Variants in RTN4 observed in about 807,000 individuals in gnomAD.
RTN4 encodes reticulon-4.
A neutral mutation model predicts 90.4 loss-of-function variants in RTN4; 32 were observed. The ratio of observed to expected loss-of-function variants is 0.35; its 90% CI spans 0.27 to 0.48. RTN4 has a LOEUF of 0.48. Ranked by LOEUF, RTN4 falls within the 20% of genes least tolerant of loss-of-function variation. The pLI is 0.99. For synonymous variants in RTN4, 629 were observed against 552.5 expected, an observed-to-expected ratio of 1.14 and a Z score of -1.94; for missense variants, 1,706 against 1,430.2, an observed-to-expected ratio of 1.19 and a Z score of -3.11.
At chr2:55,044,097 G>C (rs1683253637) in intron 1 of RTN4, among the ~76,000 whole-genome samples, 1 of 151,864 alleles carries the variant, frequency 6.6e-6, no homozygotes, top group Middle Eastern at 3.4e-3. Flanking sequence ...TTGGGAGGCT[G>C]AGGTGGCAGG....
At chr2:55,094,920 T>C (rs1204201947) in intron 1 of RTN4, among the ~76,000 whole-genome samples, 1 of 152,214 alleles carries the variant, frequency 6.6e-6, no homozygotes, top group Non-Finnish European at 1.5e-5. Flanking sequence ...AGATTTTGAA[T>C]ACCAATGAAA....
intron 1 of RTN4, among the ~76,000 whole-genome samples, chr2:55,086,448 C>A (rs544697951): frequency 6.6e-6 from 1 of 151,760 alleles, no homozygotes. Flanking sequence ...ATTGTTTGTG[C>A]CCAGGAATTC....
intron 2 of RTN4, among the ~76,000 whole-genome samples, chr2:55,027,691 A>G (rs559856505): frequency 6.6e-6 from 1 of 152,342 alleles, no homozygotes; most frequent in Non-Finnish European, 1.5e-5. Context: ...ATGCATGGCT[A>G]CAGAGGCAAT....
chr2:55,134,275 A>C, the RTN4 span, among the ~76,000 whole-genome samples: 1 of 152,066 alleles, frequency 6.6e-6, no homozygotes, highest in Non-Finnish European at 1.5e-5. Flanking sequence ...TGGGGTCTTT[A>C]TGATTTGTAT....
chr2:55,021,391 GC>G (rs150666573), intron 3 of RTN4, among the ~76,000 whole-genome samples: 1,907 of 143,388 alleles, frequency 0.013, 17 homozygotes, highest in Middle Eastern at 0.038. Flanking sequence ...CTTTTTCCCT[GC>G]CCCCCCCGCC....
chr2:54,977,512 G>A (rs1677736253), intron 5 of RTN4, among the ~76,000 whole-genome samples: 1 of 150,764 alleles, frequency 6.6e-6, no homozygotes, highest in Admixed American at 6.6e-5. Context: ...GAAAATACCT[G>A]GTCTTAGTCC....
intron 3 of RTN4, among the ~76,000 whole-genome samples, chr2:55,005,169 T>C (rs1260026215): frequency 2.0e-5 from 3 of 152,176 alleles, no homozygotes; most frequent in African/African-American, 7.2e-5. Flanking sequence ...AGAAACTTCA[T>C]TTGAAAAGTA....
At chr2:55,101,466 T>C (rs1667851868) in intron 1 of RTN4, among the ~76,000 whole-genome samples, 5 of 152,150 alleles carry the variant, frequency 3.3e-5, no homozygotes, top group Admixed American at 1.3e-4. Flanking sequence ...ATACAATAAC[T>C]GAAGTATTGA....
At chr2:55,105,905 A>G (rs2105061756) in intron 1 of RTN4, among the ~76,000 whole-genome samples, 1 of 152,244 alleles carries the variant, frequency 6.6e-6, no homozygotes, top group Admixed American at 6.5e-5. Flanking sequence ...GCTTGCACCC[A>G]GGAGTTCGAG....
At chr2:55,022,459 A>C (rs1681511949) in intron 3 of RTN4, among the ~76,000 whole-genome samples, 1 of 152,110 alleles carries the variant, frequency 6.6e-6, no homozygotes, top group Non-Finnish European at 1.5e-5. Context: ...TCCCTGTGGA[A>C]CTTGCTAAAT....
chr2:55,127,572 G>A, the RTN4 span, among the ~76,000 whole-genome samples: 113 of 152,270 alleles, frequency 7.4e-4, no homozygotes, highest in East Asian at 1.3e-3. Flanking sequence ...ACATACAACC[G>A]ACTTTCCCAT....
chr2:55,124,344 A>G, the RTN4 span, among the ~76,000 whole-genome samples: 858 of 152,374 alleles, frequency 5.6e-3, 6 homozygotes, highest in African/African-American at 0.02. Flanking sequence ...GGGACACTTA[A>G]CCAAGGAGGC....
intron 2 of RTN4, among the ~76,000 whole-genome samples, chr2:55,058,832 AT>A (rs779527925): frequency 3.3e-5 from 5 of 151,850 alleles, no homozygotes; most frequent in Admixed American, 6.6e-5. Flanking sequence ...CAAAAATGCA[AT>A]TCTGGTTTAA....
chr2:54,979,681 CAG>C (rs1489550821), intron 5 of RTN4, among the ~76,000 whole-genome samples: 1 of 152,198 alleles, frequency 6.6e-6, no homozygotes, highest in African/African-American at 2.4e-5. Flanking sequence ...TGTACATTAT[CAG>C]AGTGTGCACC....
the RTN4 span, among the ~76,000 whole-genome samples, chr2:55,124,742 G>C: frequency 7.6e-4 from 115 of 152,260 alleles, 1 homozygote; most frequent in East Asian, 0.017. Flanking sequence ...CAAAAAAAGA[G>C]CCTGAATAGT....
the RTN4 span, among the ~76,000 whole-genome samples, chr2:55,121,757 G>A: frequency 6.6e-6 from 1 of 152,140 alleles, no homozygotes; most frequent in Non-Finnish European, 1.5e-5. Flanking sequence ...AACTTGAACA[G>A]TAATGTTTTC....
intron 3 of RTN4, among the ~76,000 whole-genome samples, chr2:54,991,417 A>G (rs1314245776): frequency 6.6e-6 from 1 of 152,234 alleles, no homozygotes; most frequent in African/African-American, 2.4e-5. Context: ...AATATGGTAG[A>G]AGGAAATATC....
At chr2:55,103,549 G>T (rs756841918) in intron 1 of RTN4, among the ~76,000 whole-genome samples, 1 of 151,964 alleles carries the variant, frequency 6.6e-6, no homozygotes, top group Admixed American at 6.6e-5. Flanking sequence ...AGGAGGTGAT[G>T]AATATATTTA....
chr2:55,124,687 A>G, the RTN4 span, among the ~76,000 whole-genome samples: 4 of 152,160 alleles, frequency 2.6e-5, no homozygotes, highest in Non-Finnish European at 4.4e-5. Context: ...ACTACCAACA[A>G]TCTTCACAGA....
Sources: allele counts gnomAD v4.1 joint callset (sites outside exome capture counted in the v4.1 genomes callset), GRCh38; gene constraint gnomAD v4.1.1; transcripts MANE v1.5; gene names NCBI Gene and HGNC (gene_info 2026-07-23, HGNC 2026-07-21).